Variants in CHIC2 observed in about 807,000 individuals in gnomAD.
The protein encoded by CHIC2 is cysteine rich hydrophobic domain 2.
CHIC2 carries 14 observed loss-of-function variants against 25.9 expected under a neutral mutation model. That is an observed-to-expected ratio of 0.54 (90% confidence interval 0.36 to 0.85). The LOEUF is 0.85. Ranked by LOEUF, CHIC2 falls within the 40% of genes least tolerant of loss-of-function variation. The pLI, the probability that CHIC2 is intolerant of heterozygous loss-of-function variation, is 0.01. For synonymous variants in CHIC2, 70 were observed against 72.0 expected (o/e 0.97, Z 0.14); for missense variants, 146 against 202.0 (o/e 0.72, Z 1.68).
the CHIC2 span, among the ~76,000 whole-genome samples, chr4:54,070,878 T>G: frequency 6.6e-6 from 1 of 152,156 alleles, no homozygotes; most frequent in Non-Finnish European, 1.5e-5. Context: ...TCAGTACATG[T>G]GATTAGGTTA....
chr4:54,059,102 T>C (rs1390205968), intron 1 of CHIC2, among the ~76,000 whole-genome samples: 2 of 152,180 alleles, frequency 1.3e-5, no homozygotes, highest in African/African-American at 4.8e-5. Context: ...AATCTGTGCA[T>C]TAAGAAGTTT....
Position 54,026,871 on chromosome 4 carries a change from T to C in CHIC2, c.331-12752A>G, listed in dbSNP as rs190588525. Among the ~76,000 whole-genome samples the C allele has an allele frequency of 2.8e-4, 43 of 152,352 alleles. No homozygotes were observed. In the Middle Eastern group the frequency reaches 0.014, roughly 48 times the overall value. On this transcript the variant is annotated intron_variant, in intron 3 of 5. Coordinates refer to ENST00000263921, the MANE Select transcript of CHIC2 (RefSeq NM_012110.4). ...TCTTAATGGTTTCATTTCAATTATA[T>C]TTTACATACATTTGTTGTTAATTTC...
chr4:54,060,118 C>A (rs936211383), intron 1 of CHIC2: 2 of 152,136 alleles, frequency 1.3e-5, no homozygotes, highest in African/African-American at 4.8e-5. Flanking sequence ...TGACACATTT[C>A]AAGACAATTT....
At chr4:54,058,559 T>TAA (rs1717243447) in intron 1 of CHIC2, among the ~76,000 whole-genome samples, 1 of 138,478 alleles carries the variant, frequency 7.2e-6, no homozygotes. Context: ...TACACACACA[T>TAA]ACACACACAC....
intron 1 of CHIC2, among the ~76,000 whole-genome samples, chr4:54,051,316 C>T (rs1322234621): frequency 6.6e-6 from 1 of 152,028 alleles, no homozygotes; most frequent in East Asian, 1.9e-4. Flanking sequence ...AAATTGTTTA[C>T]CTTCTTCACA....
chr4:54,062,409 T>C (rs1208088036), intron 1 of CHIC2, among the ~76,000 whole-genome samples: 1 of 152,152 alleles, frequency 6.6e-6, no homozygotes, highest in Non-Finnish European at 1.5e-5. Context: ...GGCCTTCAAC[T>C]GGCCTGGGGT....
the CHIC2 span, chr4:54,087,333 A>G: frequency 3.5e-6 from 2 of 568,234 alleles, no homozygotes; most frequent in Admixed American, 2.9e-5. Context: ...GGGGACTGGA[A>G]CTTAGTTACC....
chr4:54,088,338 G>A, the CHIC2 span, among the ~76,000 whole-genome samples: 13 of 152,106 alleles, frequency 8.5e-5, no homozygotes, highest in Admixed American at 3.3e-4. Context: ...ATGTTGTAAC[G>A]TGATAGAGGC....
chr4:54,052,383 T>C (rs1232712452), intron 1 of CHIC2, among the ~76,000 whole-genome samples: 4 of 152,210 alleles, frequency 2.6e-5, no homozygotes, highest in East Asian at 1.9e-4. Context: ...TTGTTTTCAA[T>C]TGACAGCATT....
the CHIC2 span, among the ~76,000 whole-genome samples, chr4:54,089,527 C>T: frequency 0.28 from 41,844 of 151,868 alleles, 6,302 homozygotes; most frequent in African/African-American, 0.41. Context: ...TTATACAATA[C>T]CTTGTTCCAG....
intron 3 of CHIC2, among the ~76,000 whole-genome samples, chr4:54,027,691 C>G (rs1008492644): frequency 6.6e-6 from 1 of 152,130 alleles, no homozygotes; most frequent in Non-Finnish European, 1.5e-5. Flanking sequence ...ATAAAGAAAA[C>G]CCAGTTCTTT....
At chr4:54,057,649 G>T (rs901881069) in intron 1 of CHIC2, among the ~76,000 whole-genome samples, 1 of 152,146 alleles carries the variant, frequency 6.6e-6, no homozygotes, top group Admixed American at 6.5e-5. Flanking sequence ...GTTTCATTTT[G>T]GGTTTCATTA....
intron 3 of CHIC2, among the ~76,000 whole-genome samples, chr4:54,039,918 C>T (rs981801257): frequency 9.2e-5 from 14 of 152,116 alleles, no homozygotes; most frequent in African/African-American, 2.7e-4. Context: ...CACTAAGCTA[C>T]ATGAAAGAAG....
At chr4:54,075,088 A>T in the CHIC2 span, among the ~76,000 whole-genome samples, 1 of 152,234 alleles carries the variant, frequency 6.6e-6, no homozygotes. Flanking sequence ...TCACCTGGGC[A>T]ACAGAGTGAG....
the CHIC2 span, among the ~76,000 whole-genome samples, chr4:54,088,417 A>C: frequency 6.6e-6 from 1 of 152,238 alleles, no homozygotes; most frequent in Non-Finnish European, 1.5e-5. Context: ...TTCAGATCTT[A>C]AATAAAATTT....
At chr4:54,020,760 A>G (rs1189504022) in intron 3 of CHIC2, among the ~76,000 whole-genome samples, 1 of 152,154 alleles carries the variant, frequency 6.6e-6, no homozygotes, top group East Asian at 1.9e-4. Flanking sequence ...AAGGAGACAC[A>G]TTTTATCCAT....
intron 3 of CHIC2, among the ~76,000 whole-genome samples, chr4:54,025,956 A>G (rs1716045774): frequency 6.6e-6 from 1 of 152,046 alleles, no homozygotes; most frequent in South Asian, 2.1e-4. Context: ...AAACAAGAAG[A>G]GATAAGGAAC....
At chr4:54,033,978 C>T (rs1716307998) in intron 3 of CHIC2, among the ~76,000 whole-genome samples, 2 of 151,570 alleles carry the variant, frequency 1.3e-5, no homozygotes, top group Non-Finnish European at 2.9e-5. Flanking sequence ...AGTTGTTTTG[C>T]TTTTGTAGGT....
the CHIC2 span, among the ~76,000 whole-genome samples, chr4:54,083,255 T>C: frequency 6.6e-6 from 1 of 152,000 alleles, no homozygotes; most frequent in Non-Finnish European, 1.5e-5. Flanking sequence ...CCTCAGGTGA[T>C]CCACCCACCT....
Sources: gnomAD v4.1 joint callset for allele counts (sites outside exome capture counted in the v4.1 genomes callset) on GRCh38, gnomAD v4.1.1 for gene constraint, MANE v1.5 for transcripts, NCBI Gene and HGNC (gene_info 2026-07-23, HGNC 2026-07-21) for gene names.